The following BCAS3 variants were observed in gnomAD, a reference collection of about 807,000 sequenced individuals.
The protein encoded by BCAS3 is BCAS4/BCAS3 fusion.
A neutral mutation model predicts 116.1 loss-of-function variants in BCAS3; 53 were observed. That is an observed-to-expected ratio of 0.46 (90% CI 0.37 to 0.57). The LOEUF (loss-of-function observed/expected upper bound fraction) is 0.57, where lower values mean the gene tolerates loss of function less well. BCAS3 is among the 20% of genes least tolerant of loss of function. The probability of loss-of-function intolerance (pLI) is 0.00; values close to 1 mark genes in which losing one functional copy is unlikely to be tolerated. For missense variants in BCAS3, 917 were observed against 1,165.4 expected (o/e 0.79, Z 3.10); for synonymous variants, 391 against 408.2 (o/e 0.96, Z 0.51).
At position 61,215,263 on chromosome 17, in the gene BCAS3, C is replaced by T. The variant is rs1347156263; in HGVS notation, c.2425+130699C>T. ...TGTTAAAGAAAATATTTCAGAGTCACTAGCAAAAGAAAACTACTTTCTTAG... is the reference window on the plus strand; with the variant it reads ...TGTTAAAGAAAATATTTCAGAGTCATTAGCAAAAGAAAACTACTTTCTTAG... On this transcript the variant is annotated intron_variant, in intron 22 of 23. Transcript: ENST00000407086. The surrounding 1 kb of genome is among the most constrained non-coding windows in gnomAD (Gnocchi z 4.8). Among the ~76,000 whole-genome samples, 1 of 152,184 alleles carries T rather than the reference C, an allele frequency of 6.6e-6. No homozygotes were observed. The highest frequency in any genetic ancestry group is 1.5e-5 in the Non-Finnish European group (1 of 68,028).
Position 60,857,927 on chromosome 17 carries a change from T to C in BCAS3, c.477-10649T>C, listed in dbSNP as rs556876836. Among the ~76,000 whole-genome samples the C allele has an allele frequency of 1.1e-4, 17 of 152,316 alleles. No homozygotes were observed. The South Asian group carries it at 3.5e-3, about 32-fold the overall frequency. On this transcript the variant is annotated intron_variant, in intron 7 of 23. Coordinates refer to ENST00000407086, the MANE Select transcript of BCAS3 (RefSeq NM_017679.5). Reference sequence around the variant, plus strand: ...TAACATTTGTTTTGTCTGTTTCTAATGAAGGCTTGTTGCATGAAGATTCTC... The same window carrying C: ...TAACATTTGTTTTGTCTGTTTCTAACGAAGGCTTGTTGCATGAAGATTCTC...
chr17:60,707,060 C>T (rs73334305), intron 4 of BCAS3, among the ~76,000 whole-genome samples: 7,056 of 151,670 alleles, frequency 0.047, 584 homozygotes, highest in African/African-American at 0.16. Context: ...GGCTTGATCT[C>T]GGCTTACCTC....
intron 5 of BCAS3, among the ~76,000 whole-genome samples, chr17:60,745,186 A>G (rs999198445): frequency 1.3e-5 from 2 of 152,070 alleles, no homozygotes; most frequent in Non-Finnish European, 1.5e-5. Context: ...ATAATTTATT[A>G]TAAGTGTAAA....
chr17:60,852,488 T>C (rs1330568834), intron 7 of BCAS3, among the ~76,000 whole-genome samples: 1 of 152,198 alleles, frequency 6.6e-6, no homozygotes, highest in Non-Finnish European at 1.5e-5. Flanking sequence ...TAAGGAAAAT[T>C]TGCTTCCAAA....
At chr17:61,094,303 C>A (rs1261579120) in intron 22 of BCAS3, among the ~76,000 whole-genome samples, 1 of 152,166 alleles carries the variant, frequency 6.6e-6, no homozygotes, top group Non-Finnish European at 1.5e-5. Context: ...TGAGGGAAAG[C>A]CATTGTGATT....
chr17:60,784,279 T>C (rs964808783), intron 6 of BCAS3, among the ~76,000 whole-genome samples: 2 of 151,500 alleles, frequency 1.3e-5, no homozygotes, highest in African/African-American at 4.9e-5. Flanking sequence ...GTGTGTTCTT[T>C]CTAAAAAAAT....
rs537866378 is a variant in BCAS3 at position 61,132,444 on chromosome 17, G to A, written c.2425+47880G>A. On this transcript the variant is annotated intron_variant, in intron 22 of 23. Coordinates refer to ENST00000407086, the MANE Select transcript of BCAS3 (RefSeq NM_017679.5). The surrounding 1 kb of genome is among the most constrained non-coding windows in gnomAD (Gnocchi z 5.1). ...GTAGTCTCACTGTCTGTGGCCATGT[G>A]AGCTATAATCTACTGCCCTGGTCAA... Among the ~76,000 whole-genome samples, 23 of 152,286 alleles carry A rather than the reference G, an allele frequency of 1.5e-4. No individual in the cohort carries two copies. Among genetic ancestry groups the A allele is most frequent in the African/African-American group, 5.1e-4 (21 of 41,560 alleles).
Position 61,352,984 on chromosome 17 carries a change from G to C in BCAS3, c.2426-15343G>C, listed in dbSNP as rs990137506. On this transcript the variant is annotated intron_variant, in intron 22 of 23. Transcript: ENST00000407086. This position sits in a 1 kb window ranked among gnomAD's most constrained non-coding sequence, Gnocchi z 4.7. Reference sequence around the variant, plus strand: ...TGCCTAACACAAGGCTGGGACTGCAGGGAGAGGCCAAGGGACTGGCAGCTG... The same window carrying C: ...TGCCTAACACAAGGCTGGGACTGCACGGAGAGGCCAAGGGACTGGCAGCTG... 1.1e-4 allele frequency among the ~76,000 whole-genome samples: 17 copies of C among 152,384 alleles called. No homozygotes were observed. The highest frequency in any genetic ancestry group is 4.1e-4 in the African/African-American group (17 of 41,596).
chr17:60,972,681 G>A (rs1240446902), intron 14 of BCAS3, among the ~76,000 whole-genome samples: 1 of 151,962 alleles, frequency 6.6e-6, no homozygotes, highest in Admixed American at 6.6e-5. Flanking sequence ...TGAATCCATG[G>A]CCTCAAGAGA....
intron 13 of BCAS3, among the ~76,000 whole-genome samples, chr17:60,940,010 A>T (rs2060140303): frequency 6.6e-6 from 1 of 152,238 alleles, no homozygotes; most frequent in African/African-American, 2.4e-5. Context: ...ATGTCTTCAT[A>T]AGCCTGAAAA....
At chr17:60,991,873 C>A (rs1173418401) in intron 15 of BCAS3, among the ~76,000 whole-genome samples, 7 of 151,968 alleles carry the variant, frequency 4.6e-5, no homozygotes, top group Non-Finnish European at 1.0e-4. Context: ...GAATATATGA[C>A]CTTTTGTTTC....
At chr17:60,692,312 G>C (rs2034938757) in intron 4 of BCAS3, among the ~76,000 whole-genome samples, 1 of 152,098 alleles carries the variant, frequency 6.6e-6, no homozygotes, top group African/African-American at 2.4e-5. Context: ...CGCGATCTCA[G>C]CTCACTGCAA....
chr17:61,134,339 G>A lies in BCAS3; in HGVS notation c.2425+49775G>A, dbSNP rs562784160. Among the ~76,000 whole-genome samples, 4 of 152,224 alleles carry A rather than the reference G, an allele frequency of 2.6e-5. No individual in the cohort carries two copies. The highest frequency in any genetic ancestry group is 4.8e-5 in the African/African-American group (2 of 41,552). ...TATGAGCATTGTCTCATTTTTCATC[G>A]TTTTATAAATTAGGAAATTGAGGTC... On this transcript the variant is annotated intron_variant, in intron 22 of 23. Transcript: ENST00000407086. The surrounding 1 kb of genome is among the most constrained non-coding windows in gnomAD (Gnocchi z 4.6).
At chr17:61,182,475 C>T (rs146247811) in intron 22 of BCAS3, among the ~76,000 whole-genome samples, 1 of 152,274 alleles carries the variant, frequency 6.6e-6, no homozygotes, top group Non-Finnish European at 1.5e-5. Flanking sequence ...TCTCCCTAAT[C>T]CTACTCTTTG....
chr17:60,826,096 G>A (rs1423391657), intron 7 of BCAS3, among the ~76,000 whole-genome samples: 4 of 151,744 alleles, frequency 2.6e-5, no homozygotes, highest in Non-Finnish European at 2.9e-5. Flanking sequence ...TTCTGACCTC[G>A]TGATCCTCCT....
chr17:61,173,172 G>A (rs924615701), intron 22 of BCAS3, among the ~76,000 whole-genome samples: 15 of 152,058 alleles, frequency 9.9e-5, no homozygotes, highest in African/African-American at 3.6e-4. Context: ...TTTTGAGGCT[G>A]GGCACGGTGG....
chr17:61,197,118 A>G (rs560024784), intron 22 of BCAS3, among the ~76,000 whole-genome samples: 1 of 152,342 alleles, frequency 6.6e-6, no homozygotes, highest in East Asian at 1.9e-4. Flanking sequence ...CCATGAGGCA[A>G]AGTATTATTT....
rs757168099 is a variant in BCAS3 at position 61,095,520 on chromosome 17, T to G, written c.2425+10956T>G. ...CCTCACTTTGTCATCCAGGTTGGAG[T>G]GTGGTGGTGCAATCTCGGTTCATTG... On this transcript the variant is annotated intron_variant, in intron 22 of 23. Transcript: ENST00000407086. This position sits in a 1 kb window ranked among gnomAD's most constrained non-coding sequence, Gnocchi z 4.7. 4.6e-5 allele frequency among the ~76,000 whole-genome samples: 7 copies of G among 152,100 alleles called. No homozygotes were observed. The highest frequency in any genetic ancestry group is 1.7e-4 in the African/African-American group (7 of 41,422).
At chr17:61,164,709 T>C (rs910885347) in intron 22 of BCAS3, among the ~76,000 whole-genome samples, 6 of 152,218 alleles carry the variant, frequency 3.9e-5, no homozygotes, top group Non-Finnish European at 8.8e-5. Flanking sequence ...CCTGGTGTCA[T>C]GCGCTTGGAC....
Sources: allele counts gnomAD v4.1 joint callset (sites outside exome capture counted in the v4.1 genomes callset), GRCh38; gene constraint gnomAD v4.1.1; non-coding constraint Gnocchi (gnomAD v3.1); transcripts MANE v1.5; gene names NCBI Gene and HGNC (gene_info 2026-07-23, HGNC 2026-07-21).